GAREM2: variants seen among roughly 807,000 people sequenced by gnomAD.
GAREM2 encodes the protein GRB2-associated and regulator of MAPK protein 2.
In GAREM2, 30 loss-of-function variants were observed where a neutral mutation model predicts 55.6. The ratio of observed to expected loss-of-function variants is 0.54; its 90% CI spans 0.40 to 0.73. The LOEUF is 0.73. Ranked by LOEUF, GAREM2 falls within the 30% of genes least tolerant of loss-of-function variation. GAREM2 has a pLI of 0.00. For synonymous variants in GAREM2, 550 were observed against 569.1 expected, an observed-to-expected ratio of 0.97 and a Z score of 0.48; for missense variants, 1,075 against 1,257.7, an observed-to-expected ratio of 0.85 and a Z score of 2.20.
At position 26,184,775 on chromosome 2, in the gene GAREM2, C is replaced by G; in HGVS notation, c.927C>G (p.Gly309=). ...VVLGLALRRE[G]PAPLHFLLLT... Reference sequence around the variant, plus strand: ...TGGGGCTGGCGCTGCGCCGCGAGGGCCCGGCGCCGCTGCACTTCCTGCTGC... The same window carrying G: ...TGGGGCTGGCGCTGCGCCGCGAGGGGCCGGCGCCGCTGCACTTCCTGCTGC... The change falls in exon 4 of 6, where the codon GGC becomes GGG. Residue 309 remains glycine (G), a synonymous_variant. Transcript: ENST00000401533. 1 of 1,495,924 alleles carries G rather than the reference C, an allele frequency of 6.7e-7. No individual in the cohort carries two copies. The highest frequency in any genetic ancestry group is 1.2e-5 in the South Asian group (1 of 80,082). The allele number at this position is 1,495,924 out of a possible 1,614,324, so 92.7% of individuals were successfully genotyped here.
chr2:26,193,225 C>T (rs1669562535), downstream of GAREM2, among the ~76,000 whole-genome samples: 1 of 151,490 alleles, frequency 6.6e-6, no homozygotes, highest in Non-Finnish European at 1.5e-5. Flanking sequence ...GCTAGAGCCC[C>T]AGAAGGGTAG....
rs573028666 is a variant in GAREM2 at position 26,179,215 on chromosome 2, C to T, written c.253+2731C>T. Among the ~76,000 whole-genome samples the T allele has an allele frequency of 4.6e-5, 7 of 152,270 alleles. No homozygotes were observed. The highest frequency in any genetic ancestry group is 2.6e-4 in the Admixed American group (4 of 15,304). On this transcript the variant is annotated intron_variant, in intron 2 of 5. Coordinates refer to ENST00000401533, the MANE Select transcript of GAREM2 (RefSeq NM_001168241.2). This position sits in a 1 kb window ranked among gnomAD's most constrained non-coding sequence, Gnocchi z 4.7. ...GTCCCAGCCCCCGCCCCTGGCCCTGCGGGAGGGGCCAGGCGTCTTCCCTGA... is the reference window on the plus strand; with the variant it reads ...GTCCCAGCCCCCGCCCCTGGCCCTGTGGGAGGGGCCAGGCGTCTTCCCTGA...
chr2:26,201,381 C>T, the GAREM2 span: 1 of 1,168,994 alleles, frequency 8.6e-7, no homozygotes, highest in Non-Finnish European at 1.3e-6. Flanking sequence ...TATTGAATGT[C>T]CATGGGCCAG....
the GAREM2 span, among the ~76,000 whole-genome samples, chr2:26,195,486 G>A: frequency 6.6e-6 from 1 of 151,570 alleles, no homozygotes; most frequent in Non-Finnish European, 1.5e-5. Context: ...CCAACAATCA[G>A]TGCCAAAACC....
chr2:26,192,392 G>A (rs794727198), downstream of GAREM2: 1 of 1,605,808 alleles, frequency 6.2e-7, no homozygotes, highest in African/African-American at 1.3e-5. Context: ...ACACCCTCCT[G>A]ATAGATGTAA....
Position 26,188,503 on chromosome 2 carries a change from C to A in GAREM2, c.*246C>A. On this transcript the variant is annotated 3_prime_UTR_variant, in exon 6 of 6. Coordinates refer to ENST00000401533, the MANE Select transcript of GAREM2 (RefSeq NM_001168241.2). ...AAGGGGCTGGGGGCACCACTGTGTA[C>A]CTGGGCCCAGTAAGGCATTTGCCGT... 1 of 381,398 alleles carries A rather than the reference C, an allele frequency of 2.6e-6. No individual in the cohort carries two copies. The highest frequency in any genetic ancestry group is 4.6e-6 in the Non-Finnish European group (1 of 215,506). The allele number at this position is 381,398 out of a possible 1,614,324, so 23.6% of individuals were successfully genotyped here. A position where few individuals can be genotyped will look rare whatever the true frequency, so the allele number is the denominator to read the frequency against.
downstream of GAREM2, among the ~76,000 whole-genome samples, chr2:26,193,135 G>A (rs1669560447): frequency 6.6e-6 from 1 of 152,046 alleles, no homozygotes; most frequent in Non-Finnish European, 1.5e-5. Flanking sequence ...CGGATGCAGA[G>A]CTTGCTTCTG....
downstream of GAREM2, chr2:26,192,420 AC>A: frequency 1.3e-6 from 2 of 1,514,640 alleles, no homozygotes; most frequent in Non-Finnish European, 1.8e-6. Context: ...TCCCAGATTT[AC>A]GACCTAAAAC....
intron 4 of GAREM2, 40 bp from the exon 5 acceptor site, chr2:26,186,149 T>C: frequency 6.9e-7 from 1 of 1,458,712 alleles, no homozygotes; most frequent in East Asian, 2.6e-5. Flanking sequence ...GAGTGCCAGC[T>C]GTTTGGAGTC....
chr2:26,183,134 C>G, intron 3 of GAREM2, 37 bp downstream of exon 3: 2 of 1,547,978 alleles, frequency 1.3e-6, no homozygotes, highest in Non-Finnish European at 1.7e-6. Flanking sequence ...TGTCCCCACA[C>G]TACTCCTTGC....
At chr2:26,186,071 G>A (rs1401303583) in intron 4 of GAREM2, 118 bp from the exon 5 acceptor site, 9 of 1,026,048 alleles carry the variant, frequency 8.8e-6, no homozygotes, top group Non-Finnish European at 1.2e-5. Context: ...GCAGCCTATT[G>A]GCAAAGTGGG....
the GAREM2 span, chr2:26,194,773 G>T: frequency 1.4e-6 from 1 of 736,286 alleles, no homozygotes; most frequent in Non-Finnish European, 2.5e-6. Flanking sequence ...ATCTCAATCA[G>T]AATCCTTAAA....
At chr2:26,203,899 C>T in the GAREM2 span, among the ~76,000 whole-genome samples, 1 of 152,140 alleles carries the variant, frequency 6.6e-6, no homozygotes, top group African/African-American at 2.4e-5. Context: ...TCAAAAGAAA[C>T]TTGGCTTCAC....
At chr2:26,200,899 A>G in the GAREM2 span, among the ~76,000 whole-genome samples, 2 of 151,612 alleles carry the variant, frequency 1.3e-5, no homozygotes, top group Non-Finnish European at 2.9e-5. Context: ...TGCCCGGCTA[A>G]TTTTTGTATT....
Position 26,184,628 on chromosome 2 carries a change from CGT to C in GAREM2, c.782_783del (p.Val261GlufsTer32). The C allele has an allele frequency of 6.5e-7, 1 of 1,547,556 alleles. No individual in the cohort carries two copies. Among genetic ancestry groups the C allele is most frequent in the African/African-American group, 1.4e-5 (1 of 72,858 alleles). ...EHTVRAIIER[V>X]RLPVNVLVPS... ...ACACGGTGCGCGCCATCATCGAGCGCGTGAGGCTGCCGGTGAACGTGCTGGTG... is the reference window on the plus strand; with the variant it reads ...ACACGGTGCGCGCCATCATCGAGCGCGAGGCTGCCGGTGAACGTGCTGGTG... On this transcript the variant is annotated frameshift_variant, in exon 4 of 6. Transcript: ENST00000401533. LOFTEE classifies it high-confidence loss of function.
In GAREM2 at chr2:26,184,268, G is replaced by A; in HGVS notation, c.420G>A (p.Val140=). ...GCGAGTTCAGCGAGGACAGCGAGGT[G>A]TACAACTTCACGCTGCATGCGGGCG... The part of the protein sequence containing the change: ...VSGEFSEDSE[V]YNFTLHAGDE... The change falls in exon 4 of 6, where the codon GTG becomes GTA. Residue 140 remains valine, a synonymous_variant. Transcript: ENST00000401533. 1 of 1,551,020 alleles carries A rather than the reference G, an allele frequency of 6.4e-7. No individual in the cohort carries two copies. Among genetic ancestry groups the A allele is most frequent in the Non-Finnish European group, 8.7e-7 (1 of 1,146,738 alleles).
intron 2 of GAREM2, chr2:26,181,205 C>T: frequency 2.2e-6 from 2 of 890,950 alleles, no homozygotes; most frequent in Non-Finnish European, 2.7e-6. Context: ...ACTGCTTTAG[C>T]AAGGCATTCA....
At chr2:26,175,707 C>G (rs1245623109) in intron 1 of GAREM2, among the ~76,000 whole-genome samples, 1 of 152,192 alleles carries the variant, frequency 6.6e-6, no homozygotes, top group Non-Finnish European at 1.5e-5. Context: ...ATCAGCTGCT[C>G]TAAGCCCTGT....
At chr2:26,195,226 C>A in the GAREM2 span, 1 of 1,613,002 alleles carries the variant, frequency 6.2e-7, no homozygotes, top group Non-Finnish European at 8.5e-7. Context: ...TAGTGCATGC[C>A]AATCACCTGG....
Sources: gnomAD v4.1 joint callset for allele counts (sites outside exome capture counted in the v4.1 genomes callset) on GRCh38, gnomAD v4.1.1 for gene constraint, Gnocchi (gnomAD v3.1) non-coding constraint, MANE v1.5 for transcripts, NCBI Gene and HGNC (gene_info 2026-07-23, HGNC 2026-07-21) for gene names.